Variants in SEPTIN9 observed in about 807,000 individuals in gnomAD.
SEPTIN9 encodes septin-9.
Under a neutral mutation model 56.6 loss-of-function variants are expected in SEPTIN9, and 13 were observed. The ratio of observed to expected loss-of-function variants is 0.23; its 90% CI spans 0.15 to 0.37. SEPTIN9 has a LOEUF of 0.37. SEPTIN9 is among the 10% of genes least tolerant of loss of function. The probability of loss-of-function intolerance (pLI) is 1.00; values close to 1 mark genes in which losing one functional copy is unlikely to be tolerated. For synonymous variants in SEPTIN9, 332 were observed against 334.1 expected, an observed-to-expected ratio of 0.99 and a Z score of 0.07; for missense variants, 650 against 823.1, an observed-to-expected ratio of 0.79 and a Z score of 2.57.
rs934981824 is a variant in SEPTIN9, at chr17:77,499,318, CCA to C, written c.*661_*662del. ...TCTCAGCCATCCGCAGACTGCTTGG[CCA>C]GATGCGGGGACAGGCTGGAATGAGG... On this transcript the variant is annotated 3_prime_UTR_variant, in exon 12 of 12. Transcript: ENST00000427177. 1.7e-6 allele frequency: 1 copy of C among 596,358 alleles called. No individual in the cohort carries two copies. The highest frequency in any genetic ancestry group is 1.8e-5 in the African/African-American group (1 of 55,748). 36.9% of individuals were successfully genotyped at this position (596,358 alleles called of 1,614,324 possible). A position where few individuals can be genotyped will look rare whatever the true frequency, so the allele number is the denominator to read the frequency against.
rs1352849943 is a variant in SEPTIN9 at position 77,307,138 on chromosome 17, T to G, written c.20-3T>G. On this transcript the variant is annotated splice_polypyrimidine_tract_variant and splice_region_variant and intron_variant, in intron 1 of 11. Transcript: ENST00000427177. ...GACCTTTGCCCTTTGTCTCTGTCTTTAGGAGGCACGCGGACCTCCAGTGGC... is the reference window on the plus strand; with the variant it reads ...GACCTTTGCCCTTTGTCTCTGTCTTGAGGAGGCACGCGGACCTCCAGTGGC... 1.9e-6 allele frequency: 3 copies of G among 1,613,878 alleles called. No homozygotes were observed. The highest frequency in any genetic ancestry group is 2.2e-5 in the South Asian group (2 of 91,088).
intron 3 of SEPTIN9, among the ~76,000 whole-genome samples, chr17:77,455,710 T>C (rs879331706): frequency 9.2e-5 from 14 of 152,248 alleles, no homozygotes; most frequent in Non-Finnish European, 1.8e-4. Context: ...ACATGAGGAT[T>C]GTGTCTTGTC....
Position 77,487,484 on chromosome 17 carries a change from G to A in SEPTIN9, c.974G>A (p.Arg325Gln), listed in dbSNP as rs377514245. ...INTLFKSKIS[R>Q]KSVQPTSEER... The stretch of plus-strand genomic sequence containing the variant: ...ACCCTCTTCAAATCCAAAATCAGCC[G>A]GAAGTCGGTGCAGCCCACCTCAGAG... Residue 325 changes from arginine to glutamine, a missense_variant, in exon 5 of 12, where the codon CGG (arginine) becomes CAG (glutamine). By Grantham distance (43) the Arg-to-Gln change is conservative (BLOSUM62 1). Coordinates refer to ENST00000427177, the MANE Select transcript of SEPTIN9 (RefSeq NM_001113491.2). The surrounding 1 kb of genome is among the most constrained non-coding windows in gnomAD (Gnocchi z 4.3). 7.4e-5 allele frequency: 119 copies of A among 1,612,710 alleles called. No homozygotes were observed. Among genetic ancestry groups the A allele is most frequent in the Non-Finnish European group, 9.2e-5 (109 of 1,179,570 alleles).
intron 2 of SEPTIN9, among the ~76,000 whole-genome samples, chr17:77,347,143 C>G (rs141456379): frequency 0.011 from 1,614 of 152,224 alleles, 18 homozygotes; most frequent in Non-Finnish European, 0.018. Context: ...TTCAGGAGGC[C>G]AAGGCGGGTG....
At chr17:77,426,078 G>A (rs1312374181) in intron 3 of SEPTIN9, among the ~76,000 whole-genome samples, 1 of 152,092 alleles carries the variant, frequency 6.6e-6, no homozygotes, top group African/African-American at 2.4e-5. Flanking sequence ...TCCACACCAG[G>A]AAATGCAGCC....
At chr17:77,488,096 TGGCTGAGGAA>T in intron 5 of SEPTIN9, 134 bp from the exon 6 acceptor site, 1 of 735,476 alleles carries the variant, frequency 1.4e-6, no homozygotes, top group South Asian at 1.5e-5. Context: ...GTGCCGGAGT[TGGCTGAGGAA>T]GGCCATTAAT....
chr17:77,386,168 G>A (rs2035330869), intron 2 of SEPTIN9, among the ~76,000 whole-genome samples: 1 of 152,162 alleles, frequency 6.6e-6, no homozygotes, highest in African/African-American at 2.4e-5. Context: ...GCTGAAACCT[G>A]CGATTTAATG....
intron 2 of SEPTIN9, among the ~76,000 whole-genome samples, chr17:77,352,116 G>A (rs569874278): frequency 3.9e-5 from 6 of 152,218 alleles, no homozygotes; most frequent in South Asian, 2.1e-4. Context: ...ATCCGAAATC[G>A]GCCACGTGCG....
intron 4 of SEPTIN9, among the ~76,000 whole-genome samples, chr17:77,484,976 ATGG>A (rs200457632): frequency 0.078 from 60 of 774 alleles, no homozygotes; most frequent in Non-Finnish European, 0.17. Context: ...GAAGGGGGTG[ATGG>A]TGGTGATTGT....
intron 3 of SEPTIN9, among the ~76,000 whole-genome samples, chr17:77,406,306 C>T (rs1339596433): frequency 1.3e-5 from 2 of 152,214 alleles, no homozygotes; most frequent in Non-Finnish European, 2.9e-5. Flanking sequence ...TTTGCCCTGA[C>T]CTCCTGAACC....
chr17:77,441,514 G>A (rs748104552), intron 3 of SEPTIN9, among the ~76,000 whole-genome samples: 4 of 152,228 alleles, frequency 2.6e-5, no homozygotes, highest in Non-Finnish European at 4.4e-5. Context: ...ACCCCATAAG[G>A]GAGGGCAGGA....
At chr17:77,430,136 G>T (rs1598361025) in intron 3 of SEPTIN9, among the ~76,000 whole-genome samples, 1 of 151,970 alleles carries the variant, frequency 6.6e-6, no homozygotes, top group African/African-American at 2.4e-5. Flanking sequence ...CTGGCCTGGG[G>T]CTGCCCTCCC....
Position 77,500,104 on chromosome 17 carries a change from G to A in SEPTIN9, c.*1446G>A, listed in dbSNP as rs966310545. On this transcript the variant is annotated 3_prime_UTR_variant, in exon 12 of 12. Transcript: ENST00000427177. Reference sequence around the variant, plus strand: ...TCCACTCAGGTGCACACATCACCAGGTGCATCTGCAGGCACCGGGCTGGCT... The same window carrying A: ...TCCACTCAGGTGCACACATCACCAGATGCATCTGCAGGCACCGGGCTGGCT... 2 of 233,172 alleles carry A rather than the reference G, an allele frequency of 8.6e-6. No individual in the cohort carries two copies. The highest frequency in any genetic ancestry group is 1.7e-5 in the Non-Finnish European group (2 of 118,044). The allele number at this position is 233,172 out of a possible 1,614,324, so 14.4% of individuals were successfully genotyped here. A position where few individuals can be genotyped will look rare whatever the true frequency, so the allele number is the denominator to read the frequency against.
chr17:77,497,225 C>T (rs2040307046), intron 10 of SEPTIN9, 90 bp from the exon 11 acceptor site: 2 of 1,349,070 alleles, frequency 1.5e-6, no homozygotes, highest in South Asian at 2.5e-5. Flanking sequence ...CTGCTTTTGG[C>T]ACCAGCATTT....
chr17:77,397,557 G>C (rs955808165), intron 2 of SEPTIN9, among the ~76,000 whole-genome samples: 1 of 152,206 alleles, frequency 6.6e-6, no homozygotes, highest in Non-Finnish European at 1.5e-5. Context: ...TCAGACGAAA[G>C]TGAATCTTCA....
At chr17:77,408,243 G>T (rs913030412) in intron 3 of SEPTIN9, among the ~76,000 whole-genome samples, 1 of 152,226 alleles carries the variant, frequency 6.6e-6, no homozygotes, top group Admixed American at 6.5e-5. Context: ...ATCTGCAGAG[G>T]TGGCTGGGGG....
At chr17:77,350,290 G>T (rs561330522) in intron 2 of SEPTIN9, among the ~76,000 whole-genome samples, 41 of 152,336 alleles carry the variant, frequency 2.7e-4, no homozygotes, top group African/African-American at 9.6e-4. Context: ...CAGCCCTGGG[G>T]TTAGCTCCAG....
At chr17:77,351,205 C>T (rs976400116) in intron 2 of SEPTIN9, among the ~76,000 whole-genome samples, 3 of 150,998 alleles carry the variant, frequency 2.0e-5, no homozygotes. Flanking sequence ...GGGACTTGCG[C>T]AGGCACATGT....
intron 2 of SEPTIN9, among the ~76,000 whole-genome samples, chr17:77,311,997 C>T (rs531481193): frequency 2.0e-5 from 3 of 152,270 alleles, no homozygotes; most frequent in African/African-American, 7.2e-5. Context: ...TCAGAGTTGA[C>T]CTTGACCTCT....
Sources: gnomAD v4.1 joint callset for allele counts (sites outside exome capture counted in the v4.1 genomes callset) on GRCh38, gnomAD v4.1.1 for gene constraint, Gnocchi (gnomAD v3.1) non-coding constraint, MANE v1.5 for transcripts, NCBI Gene and HGNC (gene_info 2026-07-23, HGNC 2026-07-21) for gene names.